The following SLC35F2 variants were observed in gnomAD, a reference collection of about 807,000 sequenced individuals.
The protein encoded by SLC35F2 is queuine/queuosine transporter SLC35F2.
Under a neutral mutation model 38.1 loss-of-function variants are expected in SLC35F2, and 25 were observed. The observed-to-expected ratio is 0.66, with a 90% CI of 0.48 to 0.92. The LOEUF is 0.92. Among genes scored for constraint, SLC35F2 ranks in the 40% least tolerant of loss-of-function variants. SLC35F2 has a pLI of 0.00. For synonymous variants in SLC35F2, 173 were observed against 181.7 expected (o/e 0.95, Z 0.38); for missense variants, 409 against 452.9 (o/e 0.90, Z 0.88).
chr11:107,811,083 A>G (rs938666011), intron 3 of SLC35F2: 1 of 985,216 alleles, frequency 1.0e-6, no homozygotes, highest in African/African-American at 1.7e-5. Context: ...GTGTTAGGAA[A>G]CATCCCATAG....
chr11:107,807,699 A>G (rs938117786), intron 3 of SLC35F2, among the ~76,000 whole-genome samples: 4 of 151,542 alleles, frequency 2.6e-5, no homozygotes, highest in Non-Finnish European at 5.9e-5. Context: ...TCAGCCTCCC[A>G]AGGAGCTGGG....
chr11:107,841,474 A>C (rs1860011140), intron 1 of SLC35F2, among the ~76,000 whole-genome samples: 1 of 151,034 alleles, frequency 6.6e-6, no homozygotes, highest in African/African-American at 2.4e-5. Flanking sequence ...GAGGCAGGAT[A>C]ATTGCTTGAA....
chr11:107,820,912 C>A (rs576858541), intron 1 of SLC35F2, among the ~76,000 whole-genome samples: 2 of 152,114 alleles, frequency 1.3e-5, no homozygotes, highest in South Asian at 2.1e-4. Flanking sequence ...GCTGAGATGG[C>A]GCTACTGCAC....
intron 1 of SLC35F2, among the ~76,000 whole-genome samples, chr11:107,822,351 T>C (rs1859685275): frequency 6.6e-6 from 1 of 152,250 alleles, no homozygotes; most frequent in Non-Finnish European, 1.5e-5. Flanking sequence ...CCAAAATAGA[T>C]ACTTATGTAC....
chr11:107,797,992 T>G (rs200246382), intron 7 of SLC35F2, among the ~76,000 whole-genome samples: 14,152 of 151,490 alleles, frequency 0.093, 1,628 homozygotes, highest in East Asian at 0.28. Flanking sequence ...TTTTTTATTT[T>G]TTTTTGTTAT....
At chr11:107,842,142 A>G (rs976124337) in intron 1 of SLC35F2, among the ~76,000 whole-genome samples, 2 of 149,958 alleles carry the variant, frequency 1.3e-5, no homozygotes, top group Non-Finnish European at 3.0e-5. Context: ...TGGTGTGCCT[A>G]TAACCCCAGC....
intron 7 of SLC35F2, among the ~76,000 whole-genome samples, chr11:107,802,230 T>C (rs1859319199): frequency 7.3e-6 from 1 of 136,174 alleles, no homozygotes; most frequent in East Asian, 2.5e-4. Flanking sequence ...AGAGTGAGAC[T>C]CCATCTCAAA....
At chr11:107,799,613 C>T (rs7126265) in intron 7 of SLC35F2, among the ~76,000 whole-genome samples, 22,782 of 151,992 alleles carry the variant, frequency 0.15, 2,747 homozygotes, top group East Asian at 0.42. Context: ...TTTGTTTAGA[C>T]GGAGTCTCAC....
intron 7 of SLC35F2, among the ~76,000 whole-genome samples, chr11:107,796,394 C>T (rs949062442): frequency 1.3e-5 from 2 of 152,002 alleles, no homozygotes; most frequent in Non-Finnish European, 2.9e-5. Context: ...CGTCAGTGGA[C>T]AAATGAATAA....
intron 1 of SLC35F2, among the ~76,000 whole-genome samples, chr11:107,850,579 T>A (rs564016927): frequency 1.3e-5 from 2 of 151,974 alleles, no homozygotes; most frequent in Non-Finnish European, 2.9e-5. Context: ...CCCAGCACAT[T>A]GGGAGGCCGA....
chr11:107,799,873 TTTTG>T (rs1445975978), intron 7 of SLC35F2, among the ~76,000 whole-genome samples: 5 of 135,898 alleles, frequency 3.7e-5, no homozygotes, highest in Non-Finnish European at 6.5e-5. Flanking sequence ...TTGGCTTTTT[TTTTG>T]TTTTTGTTTG....
chr11:107,802,564 T>A (rs961135087), intron 7 of SLC35F2, among the ~76,000 whole-genome samples: 6 of 152,222 alleles, frequency 3.9e-5, no homozygotes, highest in African/African-American at 1.4e-4. Context: ...CAATCATGCA[T>A]GCATGATAAA....
intron 1 of SLC35F2, among the ~76,000 whole-genome samples, chr11:107,824,482 C>A (rs996285156): frequency 6.6e-6 from 1 of 152,134 alleles, no homozygotes. Flanking sequence ...CAGGTACAGG[C>A]AAGTGAAAAC....
At chr11:107,815,648 C>A in intron 2 of SLC35F2, 142 bp downstream of exon 2, 1 of 897,732 alleles carries the variant, frequency 1.1e-6, no homozygotes, top group Non-Finnish European at 1.7e-6. Context: ...CAGTATGGTG[C>A]TACTTACTTT....
chr11:107,832,594 A>G (rs899638013), intron 1 of SLC35F2, among the ~76,000 whole-genome samples: 2 of 152,136 alleles, frequency 1.3e-5, no homozygotes, highest in Non-Finnish European at 2.9e-5. Context: ...CTGAAGCCCA[A>G]GAGTGCAAGA....
intron 1 of SLC35F2, among the ~76,000 whole-genome samples, chr11:107,825,135 C>G (rs1021901): frequency 0.23 from 34,407 of 152,182 alleles, 7,096 homozygotes; most frequent in African/African-American, 0.55. Context: ...TTGAGCACTT[C>G]AAATGTGGCT....
At chr11:107,846,153 T>A (rs1860101389) in intron 1 of SLC35F2, among the ~76,000 whole-genome samples, 1 of 151,730 alleles carries the variant, frequency 6.6e-6, no homozygotes, top group South Asian at 2.1e-4. Flanking sequence ...TCTACGGTGT[T>A]AATACAGTAG....
chr11:107,794,242 G>A (rs146676779), intron 7 of SLC35F2, among the ~76,000 whole-genome samples: 2,999 of 152,038 alleles, frequency 0.02, 77 homozygotes, highest in African/African-American at 0.068. Flanking sequence ...CACCATGCCT[G>A]GCTAATTTTT....
chr11:107,844,395 A>G (rs184067601), intron 1 of SLC35F2, among the ~76,000 whole-genome samples: 3,179 of 152,226 alleles, frequency 0.021, 44 homozygotes, highest in Non-Finnish European at 0.033. Context: ...TGGGAGGCCG[A>G]GGCAGACGGA....
Sources: allele counts gnomAD v4.1 joint callset (sites outside exome capture counted in the v4.1 genomes callset), GRCh38; gene constraint gnomAD v4.1.1; transcripts MANE v1.5; gene names NCBI Gene and HGNC (gene_info 2026-07-23, HGNC 2026-07-21).